RSAD1: variants seen among roughly 807,000 people sequenced by gnomAD.
RSAD1 encodes the protein radical S-adenosyl methionine domain-containing protein 1, mitochondrial.
RSAD1 carries 34 observed loss-of-function variants against 46.2 expected under a neutral mutation model. The ratio of observed to expected loss-of-function variants is 0.74; its 90% confidence interval spans 0.56 to 0.98. RSAD1 has a LOEUF of 0.98. Among genes scored for constraint, RSAD1 ranks in the 50% least tolerant of loss-of-function variants. The pLI is 0.00. For missense variants in RSAD1, 635 were observed against 592.3 expected (o/e 1.07, Z -0.75); for synonymous variants, 260 against 253.5 (o/e 1.03, Z -0.24).
chr17:50,484,563 G>C lies in RSAD1; in HGVS notation c.1211+18G>C, dbSNP rs373612144. ...GATCACAGGTGTGTTGGGGGGTGCC[G>C]GGCAGAGGGGGCTGAGGCATACCAG... On this transcript the variant is annotated intron_variant, in intron 8 of 8. Transcript: ENST00000258955. The C allele has an allele frequency of 6.2e-7, 1 of 1,608,546 alleles. No homozygotes were observed. The highest frequency in any genetic ancestry group is 1.7e-5 in the Admixed American group (1 of 59,958).
chr17:50,482,643 G>T lies in RSAD1; in HGVS notation c.841G>T (p.Gly281Trp). The T allele has an allele frequency of 6.2e-7, 1 of 1,614,168 alleles. No homozygotes were observed. Among genetic ancestry groups the T allele is most frequent in the Non-Finnish European group, 8.5e-7 (1 of 1,180,036 alleles). ...QYEVSNFARN[G>W]ALSTHNWTYW... ...TGCACTATTTCCTCCCTCCCCGCAG[G>T]GGGCGCTCAGTACCCACAATTGGAC... The change falls in exon 5 of 9, where the codon GGG becomes TGG. Residue 281 changes from glycine (G) to tryptophan (W), a missense_variant and splice_region_variant. Physicochemically the swap from Gly to Trp is radical, Grantham distance 184. Coordinates refer to ENST00000258955, the MANE Select transcript of RSAD1 (RefSeq NM_018346.3).
intron 7 of RSAD1, 132 bp downstream of exon 7, chr17:50,483,892 G>A (rs763623432): frequency 2.7e-5 from 23 of 839,508 alleles, no homozygotes; most frequent in Non-Finnish European, 4.0e-5. Context: ...TGGGGCCCAG[G>A]TCCAGCTGAG....
chr17:50,482,569 C>T, intron 4 of RSAD1, 74 bp from the exon 5 acceptor site: 2 of 1,612,850 alleles, frequency 1.2e-6, no homozygotes, highest in South Asian at 1.1e-5. Flanking sequence ...GACATTCTAA[C>T]CTGGGGCCCC....
At position 50,485,523 on chromosome 17, in the gene RSAD1, G is replaced by A. The variant is rs1598445862; in HGVS notation, c.*662G>A. ...TGCCACTGCTGGAGAAGGAATCATG[G>A]TTTCTAGAAGTGCCTCTCATTAGTG... On this transcript the variant is annotated 3_prime_UTR_variant, in exon 9 of 9. Coordinates refer to ENST00000258955, the MANE Select transcript of RSAD1 (RefSeq NM_018346.3). 1 of 152,346 alleles carries A rather than the reference G, an allele frequency of 6.6e-6. No homozygotes were observed. The highest frequency in any genetic ancestry group is 1.5e-5 in the Non-Finnish European group (1 of 68,128). The allele number at this position is 152,346 out of a possible 1,614,324, so 9.4% of individuals were successfully genotyped here.
intron 4 of RSAD1, 70 bp from the exon 5 acceptor site, chr17:50,482,573 G>T (rs919981391): frequency 1.4e-5 from 23 of 1,612,978 alleles, no homozygotes; most frequent in Non-Finnish European, 1.9e-5. Flanking sequence ...TTCTAACCTG[G>T]GGCCCCTTAC....
chr17:50,479,452 G>T, intron 1 of RSAD1, 177 bp from the exon 2 acceptor site: 1 of 665,258 alleles, frequency 1.5e-6, no homozygotes, highest in Non-Finnish European at 2.5e-6. Flanking sequence ...TTCTCACATT[G>T]AAGTGGATGT....
At position 50,482,269 on chromosome 17, in the gene RSAD1, A is replaced by G. The variant is rs372618109; in HGVS notation, c.653A>G (p.His218Arg). 3.7e-5 allele frequency: 59 copies of G among 1,591,388 alleles called. No individual in the cohort carries two copies. In the African/African-American group the frequency reaches 5.6e-4, roughly 15 times the overall value. Reference protein sequence around the residue: ...WLGQLQELLHHCDDHLSLYQL... With the variant: ...WLGQLQELLHRCDDHLSLYQL... ...GGGCAGCTGCAGGAACTGCTGCACC[A>G]CTGTGATGACCACCTCTCCCTCTAC... Residue 218 changes from histidine (H) to arginine (R), a missense_variant, in exon 4 of 9, where the codon CAC (histidine) becomes CGC (arginine). His to Arg is a conservative substitution (Grantham distance 29, BLOSUM62 0). Coordinates refer to ENST00000258955, the MANE Select transcript of RSAD1 (RefSeq NM_018346.3).
Position 50,479,001 on chromosome 17 carries a change from C to A in RSAD1, c.117C>A (p.Arg39=). ...CGAGTCCTGAGCCTGCGGGCCGGCG[C>A]GCGGCGCTTTACGTACACGTGAGTA... The part of the protein sequence containing the change: ...GSPSPEPAGR[R]AALYVHWPYC... Residue 39 remains arginine (R), a synonymous_variant, in exon 1 of 9, where the codon CGC becomes CGA. Coordinates refer to ENST00000258955, the MANE Select transcript of RSAD1 (RefSeq NM_018346.3). 7.3e-7 allele frequency: 1 copy of A among 1,372,500 alleles called. No individual in the cohort carries two copies. The highest frequency in any genetic ancestry group is 1.8e-5 in the South Asian group (1 of 55,382). 85.0% of individuals were successfully genotyped at this position (1,372,500 alleles called of 1,614,324 possible).
chr17:50,484,086 A>T (rs2033419706), intron 7 of RSAD1: 1 of 443,366 alleles, frequency 2.3e-6, no homozygotes, highest in African/African-American at 2.0e-5. Flanking sequence ...ACTTGTTTTT[A>T]GGGAGCACTG....
intron 3 of RSAD1, chr17:50,480,356 A>G (rs1042327699): frequency 2.3e-5 from 11 of 485,498 alleles, no homozygotes; most frequent in South Asian, 1.5e-4. Flanking sequence ...AAGATTTGCT[A>G]CATGACACGG....
chr17:50,485,204 T>A lies in RSAD1; in HGVS notation c.*343T>A. 2 of 297,948 alleles carry A rather than the reference T, an allele frequency of 6.7e-6. No individual in the cohort carries two copies. Among genetic ancestry groups the A allele is most frequent in the Non-Finnish European group, 1.3e-5 (2 of 158,706 alleles). The allele number at this position is 297,948 out of a possible 1,614,324, so 18.5% of individuals were successfully genotyped here. A position where few individuals can be genotyped will look rare whatever the true frequency, so the allele number is the denominator to read the frequency against. On this transcript the variant is annotated 3_prime_UTR_variant, in exon 9 of 9. Coordinates refer to ENST00000258955, the MANE Select transcript of RSAD1 (RefSeq NM_018346.3). Reference sequence around the variant, plus strand: ...GCAATTACCTCCCCAAGAGAAGCCTTCCTTATTTTGGAGTAAGGTCCTAAG... The same window carrying A: ...GCAATTACCTCCCCAAGAGAAGCCTACCTTATTTTGGAGTAAGGTCCTAAG...
Position 50,482,249 on chromosome 17 carries a change from G to T in RSAD1, c.633G>T (p.Gln211His), listed in dbSNP as rs545056031. 2.3e-5 allele frequency: 36 copies of T among 1,573,486 alleles called. No individual in the cohort carries two copies. The African/African-American group carries it at 4.6e-4, about 20-fold the overall frequency. The change falls in exon 4 of 9, where the codon CAG becomes CAT. Residue 211 changes from glutamine to histidine, a missense_variant. Coordinates refer to ENST00000258955, the MANE Select transcript of RSAD1 (RefSeq NM_018346.3). Reference sequence around the variant, plus strand: ...AGCAGGTGGGGCCGTGGCTTGGGCAGCTGCAGGAACTGCTGCACCACTGTG... The same window carrying T: ...AGCAGGTGGGGCCGTGGCTTGGGCATCTGCAGGAACTGCTGCACCACTGTG... The part of the protein sequence containing the change: ...PAQQVGPWLG[Q>H]LQELLHHCDD...
At chr17:50,481,676 T>A (rs11871603) in intron 3 of RSAD1, among the ~76,000 whole-genome samples, 3 of 151,854 alleles carry the variant, frequency 2.0e-5, no homozygotes, top group Non-Finnish European at 4.4e-5. Context: ...AAGATGAAGG[T>A]TTTTTTTGTG....
chr17:50,484,057 A>AG (rs1290157449), intron 7 of RSAD1: 19 of 484,884 alleles, frequency 3.9e-5, no homozygotes, highest in Non-Finnish European at 6.5e-5. Flanking sequence ...GTGAAGCAAT[A>AG]GATAGATAAA....
intron 3 of RSAD1, 38 bp downstream of exon 3, chr17:50,480,122 C>T: frequency 1.3e-6 from 2 of 1,587,060 alleles, no homozygotes; most frequent in South Asian, 2.2e-5. Context: ...GTGCACCCCG[C>T]CCTTCAGTGC....
intron 3 of RSAD1, 178 bp downstream of exon 3, chr17:50,480,262 C>T: frequency 1.6e-6 from 1 of 644,480 alleles, no homozygotes; most frequent in Non-Finnish European, 2.8e-6. Flanking sequence ...TCATAGACCA[C>T]AGACTTTATG....
Position 50,482,363 on chromosome 17 carries a change from C to G in RSAD1, c.747C>G (p.Asp249Glu). ...QVQRGALPAP[D>E]PELAAEMYQR... ...AGCGGGGTGCCCTTCCAGCCCCTGA[C>G]CCGGAGCTCGCAGCTGAGATGTACC... Residue 249 changes from aspartate (D) to glutamate (E), a missense_variant, in exon 4 of 9, where the codon GAC becomes GAG. Physicochemically the swap from Asp to Glu is conservative, Grantham distance 45. Transcript: ENST00000258955. The G allele has an allele frequency of 1.2e-6, 2 of 1,611,224 alleles. No homozygotes were observed. The highest frequency in any genetic ancestry group is 4.5e-5 in the East Asian group (2 of 44,864).
intron 7 of RSAD1, chr17:50,484,039 T>G (rs2033418991): frequency 2.0e-6 from 1 of 500,288 alleles, no homozygotes; most frequent in South Asian, 3.0e-5. Context: ...CTCAATTTTC[T>G]GAGCTCTGTG....
chr17:50,482,289 C>T lies in RSAD1; in HGVS notation c.673C>T (p.Leu225Phe). 1.2e-6 allele frequency: 2 copies of T among 1,603,184 alleles called. No homozygotes were observed. The highest frequency in any genetic ancestry group is 2.2e-5 in the South Asian group (2 of 89,580). ...LLHHCDDHLS[L>F]YQLSLERGTA... ...GCACCACTGTGATGACCACCTCTCCCTCTACCAGCTGTCCCTGGAGCGGGG... is the reference window on the plus strand; with the variant it reads ...GCACCACTGTGATGACCACCTCTCCTTCTACCAGCTGTCCCTGGAGCGGGG... Residue 225 changes from leucine to phenylalanine, a missense_variant, in exon 4 of 9, where the codon CTC (leucine) becomes TTC (phenylalanine). Transcript: ENST00000258955.
Sources: allele counts gnomAD v4.1 joint callset (sites outside exome capture counted in the v4.1 genomes callset), GRCh38; gene constraint gnomAD v4.1.1; transcripts MANE v1.5; gene names NCBI Gene and HGNC (gene_info 2026-07-23, HGNC 2026-07-21).